Variants in ASRGL1 observed in about 807,000 individuals in gnomAD.
ASRGL1 encodes asparaginase and isoaspartyl peptidase 1.
In ASRGL1, 16 loss-of-function variants were observed where a neutral mutation model predicts 22.4. The observed-to-expected ratio is 0.71, with a 90% CI of 0.48 to 1.08. The LOEUF (loss-of-function observed/expected upper bound fraction) is 1.08. Ranked by LOEUF, ASRGL1 falls within the 50% of genes least tolerant of loss-of-function variation. ASRGL1 has a pLI of 0.00. For missense variants in ASRGL1, 412 were observed against 410.1 expected (o/e 1.00, Z -0.04); for synonymous variants, 165 against 159.3 (o/e 1.04, Z -0.27).
chr11:62,345,378 C>T (rs916738733), intron 2 of ASRGL1, among the ~76,000 whole-genome samples: 3 of 152,104 alleles, frequency 2.0e-5, no homozygotes, highest in Admixed American at 6.5e-5. Context: ...AAGTAATTCT[C>T]CTGCCTCAGC....
chr11:62,357,534 T>G (rs1342695882), intron 4 of ASRGL1, among the ~76,000 whole-genome samples: 1 of 151,404 alleles, frequency 6.6e-6, no homozygotes, highest in African/African-American at 2.4e-5. Context: ...AGTGCAGGGA[T>G]TACAGGCATG....
Position 62,392,151 on chromosome 11 carries a change from T to C in ASRGL1, c.794T>C (p.Leu265Pro). The C allele has an allele frequency of 6.2e-7, 1 of 1,614,214 alleles. No individual in the cohort carries two copies. Among genetic ancestry groups the C allele is most frequent in the Non-Finnish European group, 8.5e-7 (1 of 1,180,042 alleles). The part of the protein sequence containing the change: ...MKSRVKGLGG[L>P]IVVSKTGDWV... ...TCAAGGGTTAAAGGTTTAGGTGGCC[T>C]CATCGTGGTTAGCAAAACAGGAGAC... Residue 265 changes from leucine (L) to proline (P), a missense_variant, in exon 7 of 7, where the codon CTC becomes CCC. Coordinates refer to ENST00000415229, the MANE Select transcript of ASRGL1 (RefSeq NM_001083926.2).
intron 4 of ASRGL1, among the ~76,000 whole-genome samples, chr11:62,376,342 C>A (rs908947951): frequency 2.6e-5 from 4 of 151,870 alleles, no homozygotes; most frequent in African/African-American, 9.7e-5. Context: ...TCCGCGGAGG[C>A]GCTTTTTTTT....
intron 4 of ASRGL1, among the ~76,000 whole-genome samples, chr11:62,381,218 G>A (rs758755561): frequency 2.0e-5 from 3 of 152,288 alleles, no homozygotes; most frequent in Non-Finnish European, 4.4e-5. Flanking sequence ...TAATGTTACA[G>A]GCATCTGAAC....
intron 4 of ASRGL1, among the ~76,000 whole-genome samples, chr11:62,362,714 T>TATAA (rs1565162538): frequency 1.9e-5 from 1 of 51,866 alleles, no homozygotes; most frequent in Non-Finnish European, 3.3e-5. Flanking sequence ...ATAAAATATA[T>TATAA]TATATGTTAT....
chr11:62,360,243 G>C (rs1946401391), intron 4 of ASRGL1, among the ~76,000 whole-genome samples: 1 of 151,518 alleles, frequency 6.6e-6, no homozygotes, highest in Non-Finnish European at 1.5e-5. Context: ...GGCCAGACTG[G>C]TCTCGAACTC....
At chr11:62,362,843 C>CACACACACAT (rs1491198718) in intron 4 of ASRGL1, among the ~76,000 whole-genome samples, 1 of 116,882 alleles carries the variant, frequency 8.6e-6, no homozygotes, top group Non-Finnish European at 1.7e-5. Flanking sequence ...CACACACACA[C>CACACACACAT]ATCCATATAA....
chr11:62,394,825 C>T (rs1341152374), downstream of ASRGL1, among the ~76,000 whole-genome samples: 1 of 152,126 alleles, frequency 6.6e-6, no homozygotes, highest in East Asian at 1.9e-4. Flanking sequence ...TGCCCTCAGA[C>T]CTGAGTTGTA....
Position 62,392,002 on chromosome 11 carries a change from T to G in ASRGL1, c.722-77T>G, listed in dbSNP as rs540180956. Reference sequence around the variant, plus strand: ...AAATCCTTGCTAGCTCACTTTGGCATTTCAAATGGCAAGTGATTTTCCCAT... The same window carrying G: ...AAATCCTTGCTAGCTCACTTTGGCAGTTCAAATGGCAAGTGATTTTCCCAT... On this transcript the variant is annotated intron_variant, in intron 6 of 6. Transcript: ENST00000415229. 2.9e-5 allele frequency: 45 copies of G among 1,537,810 alleles called. No homozygotes were observed. In the African/African-American group the frequency reaches 4.8e-4, roughly 16 times the overall value.
At chr11:62,365,343 CA>C (rs1946584777) in intron 4 of ASRGL1, among the ~76,000 whole-genome samples, 1 of 151,420 alleles carries the variant, frequency 6.6e-6, no homozygotes, top group Non-Finnish European at 1.5e-5. Flanking sequence ...CACCTGAGAT[CA>C]GGAGTTTGAA....
intron 4 of ASRGL1, among the ~76,000 whole-genome samples, chr11:62,369,055 C>T (rs1002664252): frequency 3.9e-5 from 6 of 152,202 alleles, no homozygotes; most frequent in Middle Eastern, 3.4e-3. Context: ...GGCTGGGGGA[C>T]GGTCAGGTCT....
At chr11:62,351,470 T>C (rs1007872462) in intron 2 of ASRGL1, among the ~76,000 whole-genome samples, 1 of 151,974 alleles carries the variant, frequency 6.6e-6, no homozygotes. Context: ...GCCAACATGG[T>C]GAAACGCCGT....
intron 4 of ASRGL1, among the ~76,000 whole-genome samples, chr11:62,360,124 C>T (rs1946398572): frequency 6.6e-6 from 1 of 151,396 alleles, no homozygotes. Context: ...CTCTGCCTCC[C>T]AGGTTCTAGC....
chr11:62,373,467 T>C (rs1399243576), intron 4 of ASRGL1, among the ~76,000 whole-genome samples: 2 of 152,190 alleles, frequency 1.3e-5, no homozygotes, highest in Non-Finnish European at 2.9e-5. Context: ...TAGGTGTTTT[T>C]TTTTTCTTTC....
intron 2 of ASRGL1, among the ~76,000 whole-genome samples, chr11:62,349,484 C>T (rs1175386818): frequency 1.3e-5 from 2 of 152,184 alleles, no homozygotes; most frequent in African/African-American, 4.8e-5. Flanking sequence ...TTCAATGTTT[C>T]CAGGGGTCCC....
chr11:62,381,690 G>A (rs1158910761), intron 4 of ASRGL1: 1 of 152,088 alleles, frequency 6.6e-6, no homozygotes, highest in East Asian at 1.9e-4. Flanking sequence ...GAAATAGCGT[G>A]ATTAGATTTT....
At chr11:62,346,717 C>T (rs1946032955) in intron 2 of ASRGL1, among the ~76,000 whole-genome samples, 1 of 152,150 alleles carries the variant, frequency 6.6e-6, no homozygotes, top group Non-Finnish European at 1.5e-5. Flanking sequence ...CACCTGTAAT[C>T]CCAGCACTTT....
At chr11:62,342,308 G>A (rs1383937726) in intron 2 of ASRGL1, among the ~76,000 whole-genome samples, 1 of 152,176 alleles carries the variant, frequency 6.6e-6, no homozygotes, top group East Asian at 1.9e-4. Flanking sequence ...AAGCCTTCCA[G>A]GGCAAATATT....
chr11:62,365,153 T>C (rs530354148), intron 4 of ASRGL1, among the ~76,000 whole-genome samples: 122 of 151,706 alleles, frequency 8.0e-4, no homozygotes, highest in African/African-American at 2.8e-3. Context: ...AATGGGAAGG[T>C]GTAAGCCAGA....
Sources: gnomAD v4.1 joint callset for allele counts (sites outside exome capture counted in the v4.1 genomes callset) on GRCh38, gnomAD v4.1.1 for gene constraint, MANE v1.5 for transcripts, NCBI Gene and HGNC (gene_info 2026-07-23, HGNC 2026-07-21) for gene names.